KCNH7: variants seen among roughly 807,000 people sequenced by gnomAD.
The protein encoded by KCNH7 is potassium voltage-gated channel subfamily H member 7.
A neutral mutation model predicts 120.8 loss-of-function variants in KCNH7; 49 were observed. That is an observed-to-expected ratio of 0.41 (90% CI 0.32 to 0.51). The LOEUF (loss-of-function observed/expected upper bound fraction) is 0.51. Among genes scored for constraint, KCNH7 ranks in the 20% least tolerant of loss-of-function variants. The probability of loss-of-function intolerance (pLI) is 0.38; values close to 1 mark genes in which losing one functional copy is unlikely to be tolerated. For synonymous variants in KCNH7, 547 were observed against 516.1 expected, an observed-to-expected ratio of 1.06 and a Z score of -0.81; for missense variants, 1,097 against 1,446.6, an observed-to-expected ratio of 0.76 and a Z score of 3.92.
At chr2:162,624,098 G>C (rs1418811288) in intron 2 of KCNH7, among the ~76,000 whole-genome samples, 1 of 151,990 alleles carries the variant, frequency 6.6e-6, no homozygotes, top group Non-Finnish European at 1.5e-5. Flanking sequence ...TCCTCCATTA[G>C]TCAGGGACAT....
intron 9 of KCNH7, among the ~76,000 whole-genome samples, chr2:162,402,793 G>GTGTGTGTGTGCATGTC (rs368636736): frequency 1.1e-3 from 168 of 151,988 alleles, no homozygotes; most frequent in Non-Finnish European, 2.1e-3. Context: ...AATTGCGTGT[G>GTGTGTGTGTGCATGTC]TGTGTGTGTG....
intron 2 of KCNH7, among the ~76,000 whole-genome samples, chr2:162,745,194 A>T (rs1221062347): frequency 6.6e-6 from 1 of 152,202 alleles, no homozygotes; most frequent in Non-Finnish European, 1.5e-5. Flanking sequence ...CAGAGAGAGC[A>T]TACAGAGGGG....
Position 162,835,113 on chromosome 2 carries a change from G to T in KCNH7, c.307+1424C>A, listed in dbSNP as rs540702421. ...GTTTTCAAGACAACAGAACAATTAG[G>T]CTATTTCTAGTATGCCAACACTACT... On this transcript the variant is annotated intron_variant, in intron 2 of 15. Coordinates refer to ENST00000332142, the MANE Select transcript of KCNH7 (RefSeq NM_033272.4). 1.4e-4 allele frequency among the ~76,000 whole-genome samples: 22 copies of T among 152,140 alleles called. No homozygotes were observed. In the East Asian group the frequency reaches 3.3e-3, roughly 23 times the overall value.
chr2:162,384,600 T>C, intron 13 of KCNH7, 88 bp downstream of exon 13: 1 of 1,206,304 alleles, frequency 8.3e-7, no homozygotes, highest in Non-Finnish European at 1.2e-6. Context: ...TAGATTAACA[T>C]GTGTCAGTAC....
chr2:162,613,595 C>A (rs6715048), intron 2 of KCNH7, among the ~76,000 whole-genome samples: 76,849 of 151,632 alleles, frequency 0.51, 19,683 homozygotes, highest in Middle Eastern at 0.61. Flanking sequence ...ATGACTCTTT[C>A]AAAAATACAC....
chr2:162,415,697 A>T (rs13022749), intron 9 of KCNH7, among the ~76,000 whole-genome samples: 67,495 of 151,840 alleles, frequency 0.44, 19,308 homozygotes, highest in Middle Eastern at 0.67. Flanking sequence ...CAATTTTTTT[A>T]AAAAAATTTA....
chr2:162,597,865 T>C (rs887087815), intron 2 of KCNH7, among the ~76,000 whole-genome samples: 1 of 152,114 alleles, frequency 6.6e-6, no homozygotes, highest in Non-Finnish European at 1.5e-5. Flanking sequence ...AACAACATTT[T>C]GAAAACTTAA....
chr2:162,532,287 TTATTAAACA>T (rs1691949988), intron 3 of KCNH7, among the ~76,000 whole-genome samples: 1 of 151,892 alleles, frequency 6.6e-6, no homozygotes, highest in African/African-American at 2.4e-5. Flanking sequence ...GTTGGGACAC[TTATTAAACA>T]GAGTTCACCT....
rs1193304572 is a variant in KCNH7 at position 162,836,544 on chromosome 2, G to A, written c.300C>T (p.His100=). ...TAAATAGAGGAATTTTACCATTTTT[G>A]TGATAGTAGGTGACCTCCACTTTCC... The part of the protein sequence containing the change: ...EERKVEVTYY[H]KNGSTFICNT... The change falls in exon 2 of 16, where the codon CAC becomes CAT. Residue 100 remains histidine, a synonymous_variant. Coordinates refer to ENST00000332142, the MANE Select transcript of KCNH7 (RefSeq NM_033272.4). 2 of 1,611,582 alleles carry A rather than the reference G, an allele frequency of 1.2e-6. No homozygotes were observed. The highest frequency in any genetic ancestry group is 1.1e-5 in the South Asian group (1 of 90,918).
intron 2 of KCNH7, among the ~76,000 whole-genome samples, chr2:162,644,583 C>G (rs921930261): frequency 6.6e-6 from 1 of 152,136 alleles, no homozygotes; most frequent in Non-Finnish European, 1.5e-5. Context: ...AAGATTTTAT[C>G]TATCAATACT....
In KCNH7 at chr2:162,394,450, T is replaced by A; in HGVS notation, c.2649A>T (p.Ser883=). 2 of 1,606,994 alleles carry A rather than the reference T, an allele frequency of 1.2e-6. No homozygotes were observed. Among genetic ancestry groups the A allele is most frequent in the Non-Finnish European group, 1.7e-6 (2 of 1,174,404 alleles). The change falls in exon 12 of 16, where the codon TCA becomes TCT. Residue 883 remains serine (S), a synonymous_variant. Transcript: ENST00000332142. The stretch of plus-strand genomic sequence containing the variant: ...TTCTTAGTTTACAGTTGTCTCCTTC[T>A]GAATCATTCATGGATTGTGATCGTA... The part of the protein sequence containing the change: ...DLLRSQSMND[S]EGDNCKLRRR...
chr2:162,427,577 T>C lies in KCNH7; in HGVS notation c.1955-4042A>G, dbSNP rs186652563. Among the ~76,000 whole-genome samples, 108 of 152,124 alleles carry C rather than the reference T, an allele frequency of 7.1e-4. 2 individuals are homozygous for C. In the East Asian group the frequency reaches 0.019, roughly 27 times the overall value. On this transcript the variant is annotated intron_variant, in intron 8 of 15. Coordinates refer to ENST00000332142, the MANE Select transcript of KCNH7 (RefSeq NM_033272.4). ...TCTTATTATGGATTTGTAAGAATTA[T>C]TGATATATTCTGGATATAAGCCCTT...
At chr2:162,595,482 T>C (rs1454498808) in intron 2 of KCNH7, among the ~76,000 whole-genome samples, 4 of 152,036 alleles carry the variant, frequency 2.6e-5, no homozygotes, top group African/African-American at 9.6e-5. Context: ...ATGAACATCA[T>C]AATAAATGCA....
intron 6 of KCNH7, among the ~76,000 whole-genome samples, chr2:162,468,876 G>A (rs190336131): frequency 6.0e-5 from 9 of 150,934 alleles, no homozygotes; most frequent in African/African-American, 2.2e-4. Flanking sequence ...TTAAAGAAAG[G>A]AGCTTGCTCT....
chr2:162,676,633 T>C (rs893944088), intron 2 of KCNH7, among the ~76,000 whole-genome samples: 1 of 151,444 alleles, frequency 6.6e-6, no homozygotes, highest in Non-Finnish European at 1.5e-5. Flanking sequence ...ACTGTCAGAG[T>C]TGACATCCTC....
intron 3 of KCNH7, among the ~76,000 whole-genome samples, chr2:162,523,595 A>G (rs1370067324): frequency 6.6e-6 from 1 of 150,930 alleles, no homozygotes; most frequent in Non-Finnish European, 1.5e-5. Context: ...ATTGATTCTC[A>G]TCTATTACAG....
At chr2:162,650,127 C>T (rs1055406458) in intron 2 of KCNH7, among the ~76,000 whole-genome samples, 2 of 152,116 alleles carry the variant, frequency 1.3e-5, no homozygotes, top group Admixed American at 1.3e-4. Context: ...CGGGCATTAT[C>T]TTATATTTCT....
chr2:162,459,316 G>A (rs1481898537), intron 6 of KCNH7, among the ~76,000 whole-genome samples: 3 of 152,066 alleles, frequency 2.0e-5, no homozygotes, highest in Non-Finnish European at 4.4e-5. Context: ...AAGAGAAAGA[G>A]CCTATGCAAA....
chr2:162,752,902 G>GAAAAAAGAGA (rs140501872), intron 2 of KCNH7, among the ~76,000 whole-genome samples: 1 of 61,218 alleles, frequency 1.6e-5, no homozygotes, highest in Non-Finnish European at 2.7e-5. Context: ...CTACATCTCA[G>GAAAAAAGAGA]AAAAAGAAAA....
Sources: allele counts gnomAD v4.1 joint callset (sites outside exome capture counted in the v4.1 genomes callset), GRCh38; gene constraint gnomAD v4.1.1; transcripts MANE v1.5; gene names NCBI Gene and HGNC (gene_info 2026-07-23, HGNC 2026-07-21).